The following EYS variants were observed in gnomAD, a reference collection of about 807,000 sequenced individuals.
The protein encoded by EYS is EGF-like photoreceptor maintenance factor, also known as protein eyes shut homolog.
In EYS, 250 loss-of-function variants were observed where a neutral mutation model predicts 282.1. The observed-to-expected ratio is 0.89, with a 90% CI of 0.80 to 0.98. The LOEUF is 0.98. Among genes scored for constraint, EYS ranks in the 50% least tolerant of loss-of-function variants. The probability of loss-of-function intolerance (pLI) is 0.00; values close to 1 mark genes in which losing one functional copy is unlikely to be tolerated. For missense variants in EYS, 4,016 were observed against 3,709.0 expected (o/e 1.08, Z -2.15); for synonymous variants, 1,355 against 1,282.9 (o/e 1.06, Z -1.20).
At chr6:64,965,268 A>G (rs916933071) in intron 14 of EYS, among the ~76,000 whole-genome samples, 4 of 152,062 alleles carry the variant, frequency 2.6e-5, no homozygotes, top group Non-Finnish European at 5.9e-5. Context: ...TTCCTGCTTG[A>G]ATGCTTGTCT....
chr6:65,024,773 G>C (rs756097927), intron 13 of EYS, among the ~76,000 whole-genome samples: 1 of 152,030 alleles, frequency 6.6e-6, no homozygotes, highest in Non-Finnish European at 1.5e-5. Context: ...TTATGTTCTA[G>C]GAACTAACAT....
intron 30 of EYS, among the ~76,000 whole-genome samples, chr6:64,249,304 T>TGA: frequency 6.6e-6 from 1 of 152,256 alleles, no homozygotes; most frequent in Admixed American, 6.5e-5. Flanking sequence ...GAACTTGCTC[T>TGA]GACTCATAAG....
intron 35 of EYS, among the ~76,000 whole-genome samples, chr6:63,951,061 AG>A (rs750702947): frequency 1.6e-4 from 24 of 151,846 alleles, no homozygotes; most frequent in Non-Finnish European, 2.7e-4. Context: ...CCACTTTCCT[AG>A]GGGGCAAGCA....
chr6:64,206,888 T>C (rs770054207), intron 31 of EYS, among the ~76,000 whole-genome samples: 6 of 152,174 alleles, frequency 3.9e-5, no homozygotes, highest in Non-Finnish European at 7.3e-5. Flanking sequence ...ATTTGCGTCA[T>C]GGGAGTTTGT....
At chr6:63,949,194 T>C (rs1336265419) in intron 35 of EYS, among the ~76,000 whole-genome samples, 1 of 152,174 alleles carries the variant, frequency 6.6e-6, no homozygotes, top group Non-Finnish European at 1.5e-5. Flanking sequence ...ATAAGGGTAG[T>C]GAAGTGTCTA....
chr6:65,320,660 T>C (rs1769449250), intron 11 of EYS, among the ~76,000 whole-genome samples: 1 of 152,180 alleles, frequency 6.6e-6, no homozygotes, highest in African/African-American at 2.4e-5. Context: ...GAAGGACATG[T>C]TGTCCTTCTG....
At chr6:65,599,587 A>T (rs1369688103) in intron 2 of EYS, among the ~76,000 whole-genome samples, 1 of 152,110 alleles carries the variant, frequency 6.6e-6, no homozygotes, top group African/African-American at 2.4e-5. Flanking sequence ...TTATTACTAG[A>T]TGTTCAGAAA....
At position 63,721,624 on chromosome 6, in the gene EYS, T is replaced by A; in HGVS notation, c.8407A>T (p.Asn2803Tyr). Residue 2803 changes from asparagine to tyrosine, a missense_variant, in exon 43 of 43, where the codon AAT becomes TAT. Asn to Tyr is a moderately radical substitution (Grantham distance 143). Transcript: ENST00000503581. Reference sequence around the variant, plus strand: ...TTAGTGGAGGCCTTTTCTGTTACATTTATCCCATCTAGATCCAGGTAGCCT... The same window carrying A: ...TTAGTGGAGGCCTTTTCTGTTACATATATCCCATCTAGATCCAGGTAGCCT... ...AEGYLDLDGI[N>Y]VTEKASTKMS... 1 of 1,551,330 alleles carries A rather than the reference T, an allele frequency of 6.4e-7. No individual in the cohort carries two copies. The highest frequency in any genetic ancestry group is 8.7e-7 in the Non-Finnish European group (1 of 1,146,604).
intron 22 of EYS, among the ~76,000 whole-genome samples, chr6:64,780,544 G>T (rs1255901342): frequency 1.3e-5 from 2 of 152,062 alleles, no homozygotes; most frequent in African/African-American, 2.4e-5. Flanking sequence ...GGGGTTGAGG[G>T]TTGAACAATT....
chr6:64,740,657 A>C (rs113546226), intron 22 of EYS, among the ~76,000 whole-genome samples: 2 of 151,930 alleles, frequency 1.3e-5, no homozygotes, highest in Non-Finnish European at 2.9e-5. Flanking sequence ...CTGTCATTGC[A>C]CAGTAACTTT....
At chr6:65,083,753 T>G (rs917638262) in intron 12 of EYS, among the ~76,000 whole-genome samples, 1 of 151,868 alleles carries the variant, frequency 6.6e-6, no homozygotes, top group African/African-American at 2.4e-5. Flanking sequence ...GACTGGTCTC[T>G]AAGTATGCTT....
intron 12 of EYS, among the ~76,000 whole-genome samples, chr6:65,136,564 CAATT>C: frequency 6.6e-6 from 1 of 151,952 alleles, no homozygotes; most frequent in East Asian, 1.9e-4. Context: ...ACTAACATAA[CAATT>C]AAAAACAAAT....
chr6:63,937,531 C>T (rs1765107527), intron 35 of EYS, among the ~76,000 whole-genome samples: 1 of 150,964 alleles, frequency 6.6e-6, no homozygotes, highest in African/African-American at 2.4e-5. Context: ...CAGGCGCCCG[C>T]CACCACGACC....
Position 65,464,285 on chromosome 6 carries a change from T to C in EYS, c.862+26309A>G, listed in dbSNP as rs187254543. Among the ~76,000 whole-genome samples, 10 of 152,278 alleles carry C rather than the reference T, an allele frequency of 6.6e-5. No individual in the cohort carries two copies. The East Asian group carries it at 1.9e-3, about 29-fold the overall frequency. The stretch of plus-strand genomic sequence containing the variant: ...TGGATACAGTTTGTAAGATTAGATA[T>C]ACAACTACAGGGGGTAGATATTTCT... On this transcript the variant is annotated intron_variant, in intron 5 of 42. Transcript: ENST00000503581.
chr6:64,975,473 T>TA (rs1562283267), intron 14 of EYS, among the ~76,000 whole-genome samples: 1 of 151,864 alleles, frequency 6.6e-6, no homozygotes, highest in Non-Finnish European at 1.5e-5. Flanking sequence ...CTTATTTTTT[T>TA]AAAAAAGTTT....
chr6:64,418,047 G>T (rs1367593722), intron 28 of EYS, among the ~76,000 whole-genome samples: 1 of 152,062 alleles, frequency 6.6e-6, no homozygotes, highest in African/African-American at 2.4e-5. Context: ...GTTTTCATAT[G>T]ATTGTTTAGA....
At chr6:64,018,906 C>T (rs1769036370) in intron 33 of EYS, among the ~76,000 whole-genome samples, 1 of 151,604 alleles carries the variant, frequency 6.6e-6, no homozygotes, top group South Asian at 2.1e-4. Context: ...TCCTGAGTAG[C>T]TGGGACTACA....
At chr6:64,589,882 C>A (rs1766345528) in intron 26 of EYS, among the ~76,000 whole-genome samples, 1 of 151,958 alleles carries the variant, frequency 6.6e-6, no homozygotes, top group Non-Finnish European at 1.5e-5. Flanking sequence ...TGTGTTCAAC[C>A]TGACAAAGAA....
Position 64,945,896 on chromosome 6 carries a change from G to A in EYS, c.2278C>T (p.Leu760=), listed in dbSNP as rs1769273330. The A allele has an allele frequency of 6.5e-7, 1 of 1,546,518 alleles. No individual in the cohort carries two copies. Among genetic ancestry groups the A allele is most frequent in the African/African-American group, 1.4e-5 (1 of 72,760 alleles). The part of the protein sequence containing the change: ...DLHLSYQCVC[L]SDWEGNFCEQ... ...CAAAAATTTCCTTCCCAATCAGATA[G>A]GCACACACACTGGTAGCTCTAAGAG... The change falls in exon 15 of 43, where the codon CTA becomes TTA. Residue 760 remains leucine (L), a synonymous_variant. Coordinates refer to ENST00000503581, the MANE Select transcript of EYS (RefSeq NM_001142800.2).
Sources: gnomAD v4.1 joint callset for allele counts (sites outside exome capture counted in the v4.1 genomes callset) on GRCh38, gnomAD v4.1.1 for gene constraint, MANE v1.5 for transcripts, NCBI Gene and HGNC (gene_info 2026-07-23, HGNC 2026-07-21) for gene names.